DERA: variants seen among roughly 807,000 people sequenced by gnomAD.
The protein encoded by DERA is deoxyribose-phosphate aldolase.
Under a neutral mutation model 41.1 loss-of-function variants are expected in DERA, and 15 were observed. The ratio of observed to expected loss-of-function variants is 0.37; its 90% CI spans 0.24 to 0.56. DERA has a LOEUF of 0.56. Among genes scored for constraint, DERA ranks in the 20% least tolerant of loss-of-function variants. DERA has a pLI of 0.81. For synonymous variants in DERA, 139 were observed against 137.4 expected (o/e 1.01, Z -0.08); for missense variants, 396 against 403.4 (o/e 0.98, Z 0.16).
At chr12:15,969,271 C>CT (rs1565599871) in intron 5 of DERA, among the ~76,000 whole-genome samples, 1 of 152,222 alleles carries the variant, frequency 6.6e-6, no homozygotes, top group East Asian at 1.9e-4. Flanking sequence ...GTTCATTTTA[C>CT]TTTTTTTATG....
intron 6 of DERA, among the ~76,000 whole-genome samples, chr12:16,018,398 A>G (rs960478772): frequency 1.3e-5 from 2 of 152,198 alleles, no homozygotes; most frequent in Admixed American, 6.5e-5. Flanking sequence ...CCTGTAACGA[A>G]TCATGAGGAC....
chr12:16,006,905 G>T (rs781582944), intron 6 of DERA, among the ~76,000 whole-genome samples: 1 of 152,192 alleles, frequency 6.6e-6, no homozygotes, highest in Non-Finnish European at 1.5e-5. Flanking sequence ...TGTCTTCTCC[G>T]TGTGTACTTC....
chr12:15,934,971 A>G (rs559738449), intron 1 of DERA, among the ~76,000 whole-genome samples: 1 of 152,306 alleles, frequency 6.6e-6, no homozygotes, highest in South Asian at 2.1e-4. Context: ...GATTATGATA[A>G]AGCTGCTGTT....
intron 7 of DERA, among the ~76,000 whole-genome samples, chr12:16,034,963 A>ATAGAGT (rs202033130): frequency 0.29 from 8,459 of 29,566 alleles, 647 homozygotes; most frequent in East Asian, 0.59. Flanking sequence ...CTACTACCTT[A>ATAGAGT]CAGCTTGGGC....
At chr12:16,034,007 G>A (rs1487549247) in intron 7 of DERA, among the ~76,000 whole-genome samples, 1 of 152,074 alleles carries the variant, frequency 6.6e-6, no homozygotes, top group Non-Finnish European at 1.5e-5. Flanking sequence ...TCTATCTTTG[G>A]TCCTCAGTTG....
intron 5 of DERA, among the ~76,000 whole-genome samples, chr12:15,969,829 G>A (rs552889417): frequency 2.6e-5 from 4 of 152,284 alleles, no homozygotes; most frequent in African/African-American, 9.6e-5. Context: ...TATTTTATTA[G>A]AAAAGCAGTC....
At chr12:15,939,672 C>A (rs1948395618) in intron 1 of DERA, among the ~76,000 whole-genome samples, 1 of 149,396 alleles carries the variant, frequency 6.7e-6, no homozygotes, top group African/African-American at 2.5e-5. Flanking sequence ...AAAAAGCCAA[C>A]ATTTAAAGGC....
rs1948988784 is a variant in DERA, at chr12:16,017,211, T to C, written c.638-15331T>C. ...ATAAGATCATCTTTCCTTTGGGGCA[T>C]TGGAGATATTTTCCAACCCTAAAAT... On this transcript the variant is annotated intron_variant, in intron 6 of 8. Coordinates refer to ENST00000428559, the MANE Select transcript of DERA (RefSeq NM_015954.4). The surrounding 1 kb of genome is among the most constrained non-coding windows in gnomAD (Gnocchi z 5.5). 6.6e-6 allele frequency among the ~76,000 whole-genome samples: 1 copy of C among 152,178 alleles called. No homozygotes were observed. Among genetic ancestry groups the C allele is most frequent in the African/African-American group, 2.4e-5 (1 of 41,438 alleles).
At position 15,946,568 on chromosome 12, in the gene DERA, G is replaced by A. The variant is rs1948450496; in HGVS notation, c.32-10368G>A. Reference sequence around the variant, plus strand: ...TAGTTTGTGTTTCTGTGGGATTGGTGGTGATATCCCCTTTTTTTTTTATTG... The same window carrying A: ...TAGTTTGTGTTTCTGTGGGATTGGTAGTGATATCCCCTTTTTTTTTTATTG... On this transcript the variant is annotated intron_variant, in intron 1 of 8. Coordinates refer to ENST00000428559, the MANE Select transcript of DERA (RefSeq NM_015954.4). Among the ~76,000 whole-genome samples the A allele has an allele frequency of 1.3e-5, 2 of 151,768 alleles. 1 individual carries two copies. Among genetic ancestry groups the A allele is most frequent in the South Asian group, 4.2e-4 (2 of 4,808 alleles).
At chr12:16,016,114 T>C (rs1324636686) in intron 6 of DERA, among the ~76,000 whole-genome samples, 2 of 152,194 alleles carry the variant, frequency 1.3e-5, no homozygotes, top group Admixed American at 1.3e-4. Context: ...GGAATCATAG[T>C]CTGCAGATTT....
chr12:15,912,476 T>C (rs1948171872), intron 1 of DERA, among the ~76,000 whole-genome samples: 1 of 152,220 alleles, frequency 6.6e-6, no homozygotes, highest in African/African-American at 2.4e-5. Context: ...ATAGCTTGGA[T>C]ATCTGTGTAT....
At chr12:15,960,978 G>T (rs1178241298) in intron 4 of DERA, among the ~76,000 whole-genome samples, 1 of 152,220 alleles carries the variant, frequency 6.6e-6, no homozygotes, top group Non-Finnish European at 1.5e-5. Flanking sequence ...GATCAGGGCA[G>T]AATTGCAGAG....
At position 15,911,606 on chromosome 12, in the gene DERA, C is replaced by G; in HGVS notation, c.31+192C>G. On this transcript the variant is annotated intron_variant, in intron 1 of 8. Coordinates refer to ENST00000428559, the MANE Select transcript of DERA (RefSeq NM_015954.4). The surrounding 1 kb of genome is among the most constrained non-coding windows in gnomAD (Gnocchi z 4.5). ...AACCCGGCACGTTCGCGCCGCTTGT[C>G]TTTGCACCTAAGCTTTTACTCTTGT... 7 of 702,578 alleles carry G rather than the reference C, an allele frequency of 1.0e-5. No individual in the cohort carries two copies. The highest frequency in any genetic ancestry group is 9.0e-5 in the South Asian group (6 of 66,546). 43.5% of individuals were successfully genotyped at this position (702,578 alleles called of 1,614,324 possible).
At chr12:15,929,397 C>T (rs1948311172) in intron 1 of DERA, among the ~76,000 whole-genome samples, 2 of 152,252 alleles carry the variant, frequency 1.3e-5, no homozygotes, top group African/African-American at 4.8e-5. Context: ...CCCTCTAATT[C>T]GGTTTTGAAC....
intron 1 of DERA, among the ~76,000 whole-genome samples, chr12:15,939,050 T>C (rs909726077): frequency 2.0e-5 from 3 of 152,202 alleles, no homozygotes; most frequent in African/African-American, 7.2e-5. Context: ...GAAGTGTTGC[T>C]CTACAGCTGC....
In DERA at chr12:16,036,340, C is replaced by T. The variant is rs1362794638; in HGVS notation, c.859C>T (p.Arg287Ter). 5.0e-6 allele frequency: 8 copies of T among 1,613,356 alleles called. No homozygotes were observed. The South Asian group carries it at 6.6e-5, about 13-fold the overall frequency. The change falls in exon 8 of 9, where the codon CGA becomes TGA. Residue 287 changes from arginine to a stop codon, truncating the protein, a stop_gained. Coordinates refer to ENST00000428559, the MANE Select transcript of DERA (RefSeq NM_015954.4). LOFTEE classifies it high-confidence loss of function. The surrounding 1 kb of genome is among the most constrained non-coding windows in gnomAD (Gnocchi z 4.9). ...GDEWLKPELFRIGASTLLSDI... is the reference protein window; with the variant it reads ...GDEWLKPELF ...TGAGTGGCTGAAGCCAGAACTCTTT[C>T]GAATAGGTGCCAGTACTCTGCTCTC...
In DERA at chr12:15,989,419, C is replaced by G. The variant is rs1948787078; in HGVS notation, c.637+6983C>G. 6.6e-6 allele frequency among the ~76,000 whole-genome samples: 1 copy of G among 152,150 alleles called. No individual in the cohort carries two copies. The highest frequency in any genetic ancestry group is 1.5e-5 in the Non-Finnish European group (1 of 68,022). On this transcript the variant is annotated intron_variant, in intron 6 of 8. Coordinates refer to ENST00000428559, the MANE Select transcript of DERA (RefSeq NM_015954.4). This position sits in a 1 kb window ranked among gnomAD's most constrained non-coding sequence, Gnocchi z 5.2. ...TGATTCTTTTTTATAATTTTTATTTCTCTACTGACATGTCCCCACTTTTTC... is the reference window on the plus strand; with the variant it reads ...TGATTCTTTTTTATAATTTTTATTTGTCTACTGACATGTCCCCACTTTTTC...
chr12:15,911,407 C>T lies in DERA; in HGVS notation c.24C>T (p.Thr8=). The T allele has an allele frequency of 7.1e-7, 1 of 1,407,294 alleles. No homozygotes were observed. The highest frequency in any genetic ancestry group is 9.2e-7 in the Non-Finnish European group (1 of 1,091,968). The allele number at this position is 1,407,294 out of a possible 1,614,324, so 87.2% of individuals were successfully genotyped here. MSAHNRG[T]ELDLSWISKI... The stretch of plus-strand genomic sequence containing the variant: ...CCATGTCCGCGCACAATCGGGGCAC[C>T]GAGCTCGGTAAGGGGCCCGCGGGGC... The change falls in exon 1 of 9, where the codon ACC becomes ACT. Residue 8 remains threonine (T), a synonymous_variant. Transcript: ENST00000428559. This position sits in a 1 kb window ranked among gnomAD's most constrained non-coding sequence, Gnocchi z 4.5.
rs777956900 is a variant in DERA, at chr12:15,995,205, T to G, written c.637+12769T>G. ...TGTATGTTGCACTTTACTTTTCTGT[T>G]GAGGGCAAGAAAAGGAAGACATAAT... On this transcript the variant is annotated intron_variant, in intron 6 of 8. Coordinates refer to ENST00000428559, the MANE Select transcript of DERA (RefSeq NM_015954.4). This position sits in a 1 kb window ranked among gnomAD's most constrained non-coding sequence, Gnocchi z 5.1. Among the ~76,000 whole-genome samples the G allele has an allele frequency of 6.6e-5, 10 of 152,160 alleles. No individual in the cohort carries two copies. Among genetic ancestry groups the G allele is most frequent in the Non-Finnish European group, 1.2e-4 (8 of 68,026 alleles).
Sources: allele counts gnomAD v4.1 joint callset (sites outside exome capture counted in the v4.1 genomes callset), GRCh38; gene constraint gnomAD v4.1.1; non-coding constraint Gnocchi (gnomAD v3.1); transcripts MANE v1.5; gene names NCBI Gene and HGNC (gene_info 2026-07-23, HGNC 2026-07-21).